Variants in DBX2 observed in about 807,000 individuals in gnomAD.
DBX2 encodes the protein developing brain homeobox 2.
Under a neutral mutation model 17.7 loss-of-function variants are expected in DBX2, and 16 were observed. The observed-to-expected ratio is 0.90, with a 90% CI of 0.61 to 1.37. DBX2 has a LOEUF of 1.37. Ranked by LOEUF, DBX2 falls within the 40% of genes most tolerant of loss-of-function variation. The pLI is 0.00. For missense variants in DBX2, 538 were observed against 433.8 expected (o/e 1.24, Z -2.13); for synonymous variants, 255 against 183.8 (o/e 1.39, Z -3.13).
intron 2 of DBX2, among the ~76,000 whole-genome samples, chr12:45,029,878 A>AT (rs1946399738): frequency 1.7e-5 from 2 of 114,420 alleles, no homozygotes; most frequent in Non-Finnish European, 3.3e-5. Flanking sequence ...AAAAAATAAT[A>AT]AAAATAAATA....
intron 1 of DBX2, 59 bp from the exon 2 acceptor site, chr12:45,036,173 T>G (rs906753230): frequency 1.6e-5 from 23 of 1,428,864 alleles, no homozygotes; most frequent in African/African-American, 2.9e-5. Context: ...TATTCAAAAC[T>G]CCAGTTTCCT....
At chr12:45,025,878 G>A (rs1946378698) in intron 2 of DBX2, among the ~76,000 whole-genome samples, 1 of 150,642 alleles carries the variant, frequency 6.6e-6, no homozygotes, top group Non-Finnish European at 1.5e-5. Flanking sequence ...AAGAACCAAA[G>A]CCAATTCAAA....
chr12:45,021,788 A>G (rs1946353445), intron 3 of DBX2, among the ~76,000 whole-genome samples: 1 of 139,888 alleles, frequency 7.1e-6, no homozygotes, highest in Admixed American at 7.3e-5. Context: ...AAGGCTTCAG[A>G]AAGATAAGTA....
chr12:45,030,077 T>G (rs1946401559), intron 2 of DBX2, among the ~76,000 whole-genome samples: 1 of 151,716 alleles, frequency 6.6e-6, no homozygotes, highest in African/African-American at 2.4e-5. Flanking sequence ...AGGTACACTG[T>G]GTGTTCATGA....
intron 2 of DBX2, among the ~76,000 whole-genome samples, chr12:45,032,271 T>C (rs751600509): frequency 6.6e-6 from 1 of 152,202 alleles, no homozygotes; most frequent in Non-Finnish European, 1.5e-5. Context: ...CGATTATGTT[T>C]TAGACAATAT....
chr12:45,040,369 C>T (rs1946464806), intron 1 of DBX2, among the ~76,000 whole-genome samples: 2 of 152,106 alleles, frequency 1.3e-5, no homozygotes, highest in South Asian at 4.2e-4. Context: ...TTAATAAACT[C>T]CCCTTTATAT....
chr12:45,035,270 G>A (rs1251980204), intron 2 of DBX2, among the ~76,000 whole-genome samples: 1 of 152,210 alleles, frequency 6.6e-6, no homozygotes, highest in Non-Finnish European at 1.5e-5. Context: ...TTGGGCAACT[G>A]AAAGAAATGC....
At chr12:45,028,933 T>C (rs1483262482) in intron 2 of DBX2, among the ~76,000 whole-genome samples, 2 of 152,238 alleles carry the variant, frequency 1.3e-5, no homozygotes, top group Non-Finnish European at 2.9e-5. Context: ...CATATGACAA[T>C]GCTGCTATTA....
At chr12:45,039,282 T>C (rs1245042435) in intron 1 of DBX2, among the ~76,000 whole-genome samples, 2 of 19,418 alleles carry the variant, frequency 1.0e-4, no homozygotes, top group East Asian at 3.8e-3. Context: ...TGAAGGTATA[T>C]ATATATATAT....
chr12:45,036,609 C>T (rs1946442515), intron 1 of DBX2, among the ~76,000 whole-genome samples: 1 of 152,102 alleles, frequency 6.6e-6, no homozygotes, highest in African/African-American at 2.4e-5. Flanking sequence ...TATTAAATAG[C>T]ACAGCTCTAG....
chr12:45,021,814 G>A (rs1198970139), intron 3 of DBX2, among the ~76,000 whole-genome samples: 2 of 136,454 alleles, frequency 1.5e-5, no homozygotes, highest in East Asian at 2.4e-4. Flanking sequence ...GAGAACTACC[G>A]ATCCCCTTAT....
rs1392478670 is a variant in DBX2, at chr12:45,036,077, G to C, written c.441C>G (p.Phe147Leu). 1 of 1,613,564 alleles carries C rather than the reference G, an allele frequency of 6.2e-7. No homozygotes were observed. The highest frequency in any genetic ancestry group is 8.5e-7 in the Non-Finnish European group (1 of 1,179,880). ...AGGACCCACCGCAGCACGCCGAGTA[G>C]AATGGCGGGGTGCTCAGAAGGAAAG... ...SKPFLLSTPP[F>L]YSACCGGSCR... The change falls in exon 2 of 4, where the codon TTC becomes TTG. Residue 147 changes from phenylalanine to leucine, a missense_variant. Phe to Leu is a conservative substitution (Grantham distance 22). Coordinates refer to ENST00000332700, the MANE Select transcript of DBX2 (RefSeq NM_001004329.3).
intron 2 of DBX2, among the ~76,000 whole-genome samples, chr12:45,027,951 G>T (rs913028637): frequency 1.3e-5 from 2 of 152,198 alleles, no homozygotes; most frequent in Non-Finnish European, 1.5e-5. Context: ...TGAGACTACA[G>T]CACAGAAGGC....
intron 3 of DBX2, 134 bp downstream of exon 3, chr12:45,023,573 T>C: frequency 9.3e-7 from 1 of 1,070,286 alleles, no homozygotes; most frequent in South Asian, 1.5e-5. Flanking sequence ...AAATATTTGC[T>C]AAATAAATGG....
chr12:45,049,379 C>T (rs1946516877), intron 1 of DBX2, among the ~76,000 whole-genome samples: 1 of 152,168 alleles, frequency 6.6e-6, no homozygotes, highest in Non-Finnish European at 1.5e-5. Flanking sequence ...ACTGTTTGTT[C>T]CTCTTTCAGG....
chr12:45,044,742 T>G (rs989812646), intron 1 of DBX2, among the ~76,000 whole-genome samples: 5 of 152,134 alleles, frequency 3.3e-5, no homozygotes, highest in Non-Finnish European at 7.4e-5. Flanking sequence ...TTTAGTACCT[T>G]AAGTTGACTG....
Position 45,023,794 on chromosome 12 carries a change from A to G in DBX2, c.600T>C (p.Ala200=). The G allele has an allele frequency of 6.2e-7, 1 of 1,613,496 alleles. No individual in the cohort carries two copies. Among genetic ancestry groups the G allele is most frequent in the Non-Finnish European group, 8.5e-7 (1 of 1,179,802 alleles). Residue 200 remains alanine, a synonymous_variant, in exon 3 of 4, where the codon GCT becomes GCC. Coordinates refer to ENST00000332700, the MANE Select transcript of DBX2 (RefSeq NM_001004329.3). ...TCTGTTTCTGAAACATTTTCTCCAGAGCCTTTCTCTGGTCCTCAGAAAAGA... is the reference window on the plus strand; with the variant it reads ...TCTGTTTCTGAAACATTTTCTCCAGGGCCTTTCTCTGGTCCTCAGAAAAGA... ...RAVFSEDQRK[A]LEKMFQKQKY...
Position 45,016,325 on chromosome 12 carries a change from T to C in DBX2, c.981A>G (p.Glu327=), listed in dbSNP as rs1255481618. Residue 327 remains glutamate, a synonymous_variant, in exon 4 of 4, where the codon GAA becomes GAG. Coordinates refer to ENST00000332700, the MANE Select transcript of DBX2 (RefSeq NM_001004329.3). ...LQGALYLCSE[E]EAGSKGVLTG... is the part of the protein sequence containing the mutation. ...TAAGTACACCCTTGCTTCCAGCTTC[T>C]TCTTCAGAACATAAATATAAGGCAC... 1 of 1,600,012 alleles carries C rather than the reference T, an allele frequency of 6.2e-7. No individual in the cohort carries two copies. The highest frequency in any genetic ancestry group is 1.3e-5 in the African/African-American group (1 of 74,232).
At chr12:45,043,346 T>C (rs936663820) in intron 1 of DBX2, among the ~76,000 whole-genome samples, 1 of 152,214 alleles carries the variant, frequency 6.6e-6, no homozygotes, top group Non-Finnish European at 1.5e-5. Flanking sequence ...AGAATGTCAC[T>C]TCCAAGACTA....
Sources: allele counts gnomAD v4.1 joint callset (sites outside exome capture counted in the v4.1 genomes callset), GRCh38; gene constraint gnomAD v4.1.1; transcripts MANE v1.5; gene names NCBI Gene and HGNC (gene_info 2026-07-23, HGNC 2026-07-21).